DOK6: variants seen among roughly 807,000 people sequenced by gnomAD.
DOK6 encodes downstream of tyrosine kinase 6.
In DOK6, 22 loss-of-function variants were observed where a neutral mutation model predicts 44.0. That is an observed-to-expected ratio of 0.50 (90% CI 0.36 to 0.71). The LOEUF (loss-of-function observed/expected upper bound fraction) is 0.71. Ranked by LOEUF, DOK6 falls within the 30% of genes least tolerant of loss-of-function variation. The pLI is 0.00. For missense variants in DOK6, 340 were observed against 416.4 expected (o/e 0.82, Z 1.60); for synonymous variants, 166 against 145.5 (o/e 1.14, Z -1.01).
At chr18:69,583,418 A>C (rs2144611364) in intron 2 of DOK6, among the ~76,000 whole-genome samples, 1 of 152,224 alleles carries the variant, frequency 6.6e-6, no homozygotes, top group East Asian at 1.9e-4. Flanking sequence ...CTGCTTTATA[A>C]GGTTTACTTG....
rs1599312276 is a variant in DOK6, at chr18:69,763,275, A to G, written c.856+5402A>G. Among the ~76,000 whole-genome samples the G allele has an allele frequency of 3.3e-5, 5 of 152,356 alleles. 1 individual carries two copies. The highest frequency in any genetic ancestry group is 3.3e-4 in the Admixed American group (5 of 15,294). ...ACCTCTTCTTGCAGAAGTGGCAAAC[A>G]GACATTACTTTTCTTTTTTGCCAGA... On this transcript the variant is annotated intron_variant, in intron 7 of 7. Transcript: ENST00000382713.
At chr18:69,413,481 T>A (rs1302569987) in intron 1 of DOK6, among the ~76,000 whole-genome samples, 1 of 152,044 alleles carries the variant, frequency 6.6e-6, no homozygotes, top group Non-Finnish European at 1.5e-5. Context: ...ACATAACATA[T>A]TTTAGGCAAA....
chr18:69,430,149 T>G (rs957018956), intron 1 of DOK6, among the ~76,000 whole-genome samples: 3 of 152,168 alleles, frequency 2.0e-5, no homozygotes, highest in Admixed American at 6.5e-5. Flanking sequence ...AGGTCTAGGA[T>G]TTGACTGATT....
chr18:69,631,304 G>T (rs1332629861), intron 3 of DOK6, among the ~76,000 whole-genome samples: 1 of 152,178 alleles, frequency 6.6e-6, no homozygotes, highest in Admixed American at 6.5e-5. Context: ...TATAAGCCCA[G>T]TGTCTTTTGA....
At chr18:69,454,797 AC>A (rs1219875249) in intron 1 of DOK6, among the ~76,000 whole-genome samples, 3 of 146,508 alleles carry the variant, frequency 2.0e-5, no homozygotes, top group Non-Finnish European at 4.5e-5. Flanking sequence ...TTCTCAGTAA[AC>A]TGTCGCAAGA....
chr18:69,633,925 T>A (rs1285087053), intron 3 of DOK6, among the ~76,000 whole-genome samples: 3 of 152,082 alleles, frequency 2.0e-5, no homozygotes, highest in Non-Finnish European at 4.4e-5. Context: ...GTTTTAGGAT[T>A]TAGAGGAACA....
At chr18:69,626,347 G>A (rs949162492) in intron 3 of DOK6, among the ~76,000 whole-genome samples, 4 of 151,986 alleles carry the variant, frequency 2.6e-5, no homozygotes, top group East Asian at 1.9e-4. Flanking sequence ...ACCGCCTCTC[G>A]GTCCATTCAC....
At chr18:69,445,611 C>G (rs1442935563) in intron 1 of DOK6, among the ~76,000 whole-genome samples, 1 of 152,026 alleles carries the variant, frequency 6.6e-6, no homozygotes, top group African/African-American at 2.4e-5. Context: ...AATTGACTTT[C>G]ATATGTTGAA....
intron 3 of DOK6, among the ~76,000 whole-genome samples, chr18:69,654,139 G>T (rs1438674825): frequency 2.0e-5 from 3 of 152,088 alleles, no homozygotes; most frequent in African/African-American, 7.2e-5. Context: ...ACAGAAATGG[G>T]TCACTAGAAA....
At chr18:69,798,612 T>C (rs1432899820) in intron 7 of DOK6, among the ~76,000 whole-genome samples, 1 of 152,068 alleles carries the variant, frequency 6.6e-6, no homozygotes, top group African/African-American at 2.4e-5. Context: ...GTTTAGGTTA[T>C]CTGAAATGCC....
Position 69,572,795 on chromosome 18 carries a change from G to T in DOK6, c.174+8201G>T, listed in dbSNP as rs1459669567. Among the ~76,000 whole-genome samples the T allele has an allele frequency of 3.9e-5, 6 of 151,986 alleles. No individual in the cohort carries two copies. In the East Asian group the frequency reaches 1.2e-3, roughly 29 times the overall value. ...ACACCAACAAGAGATTAAGTAATAT[G>T]AAAGCAAAGAGACCATTTCATTTAT... On this transcript the variant is annotated intron_variant, in intron 2 of 7. Coordinates refer to ENST00000382713, the MANE Select transcript of DOK6 (RefSeq NM_152721.6).
intron 5 of DOK6, among the ~76,000 whole-genome samples, chr18:69,725,920 G>A (rs1381395148): frequency 2.0e-5 from 3 of 152,132 alleles, no homozygotes; most frequent in African/African-American, 7.2e-5. Context: ...GTGCACCCTC[G>A]CTAAGGACCC....
chr18:69,635,388 A>C (rs1276179082), intron 3 of DOK6, among the ~76,000 whole-genome samples: 1 of 152,164 alleles, frequency 6.6e-6, no homozygotes, highest in Non-Finnish European at 1.5e-5. Flanking sequence ...AAGCGTAATA[A>C]TTCATCATTA....
intron 1 of DOK6, among the ~76,000 whole-genome samples, chr18:69,507,970 C>T (rs1981243696): frequency 6.6e-6 from 1 of 152,094 alleles, no homozygotes; most frequent in Non-Finnish European, 1.5e-5. Flanking sequence ...AGTGTTCAGT[C>T]TTTCACCTTT....
chr18:69,830,597 G>A (rs764467065), intron 7 of DOK6, among the ~76,000 whole-genome samples: 6 of 152,156 alleles, frequency 3.9e-5, no homozygotes, highest in Admixed American at 6.5e-5. Flanking sequence ...AAATGTGGCT[G>A]AAGCTACCCA....
chr18:69,505,532 C>T (rs1203316400), intron 1 of DOK6, among the ~76,000 whole-genome samples: 1 of 120,364 alleles, frequency 8.3e-6, no homozygotes, highest in Non-Finnish European at 1.6e-5. Flanking sequence ...GAGTCTTGCT[C>T]TGTCACCCCG....
intron 7 of DOK6, among the ~76,000 whole-genome samples, chr18:69,770,925 T>C (rs1383884095): frequency 1.3e-5 from 2 of 152,060 alleles, no homozygotes; most frequent in East Asian, 3.9e-4. Flanking sequence ...TATTCCCTGT[T>C]GTTAGTTCAT....
chr18:69,647,274 G>T (rs923034434), intron 3 of DOK6: 5 of 152,122 alleles, frequency 3.3e-5, no homozygotes, highest in African/African-American at 1.2e-4. Flanking sequence ...CTTGTAAAGT[G>T]AAGTTTATAT....
intron 6 of DOK6, among the ~76,000 whole-genome samples, chr18:69,750,325 G>A (rs1258508466): frequency 1.3e-5 from 2 of 150,710 alleles, no homozygotes; most frequent in Non-Finnish European, 3.0e-5. Context: ...GAGGGGAAAT[G>A]TAAGTTATAG....
Sources: allele counts gnomAD v4.1 joint callset (sites outside exome capture counted in the v4.1 genomes callset), GRCh38; gene constraint gnomAD v4.1.1; transcripts MANE v1.5; gene names NCBI Gene and HGNC (gene_info 2026-07-23, HGNC 2026-07-21).